Variants in TFRC observed in about 807,000 individuals in gnomAD.
The protein encoded by TFRC is transferrin receptor protein 1.
In TFRC, 35 loss-of-function variants were observed where a neutral mutation model predicts 85.8. The ratio of observed to expected loss-of-function variants is 0.41; its 90% CI spans 0.31 to 0.54. TFRC has a LOEUF of 0.54. TFRC is among the 20% of genes least tolerant of loss of function. The pLI, the probability that TFRC is intolerant of heterozygous loss-of-function variation, is 0.31. For synonymous variants in TFRC, 362 were observed against 328.6 expected (o/e 1.10, Z -1.10); for missense variants, 828 against 921.5 (o/e 0.90, Z 1.31).
At chr3:196,072,425 G>A (rs1393851427) in intron 4 of TFRC, among the ~76,000 whole-genome samples, 1 of 152,156 alleles carries the variant, frequency 6.6e-6, no homozygotes, top group Non-Finnish European at 1.5e-5. Context: ...ATAGTTTTAG[G>A]GGAAATGAGT....
In TFRC at chr3:196,053,484, T is replaced by C. The variant is rs1560065283; in HGVS notation, c.1974A>G (p.Thr658=). Residue 658 remains threonine (T), a synonymous_variant, in exon 18 of 19, where the codon ACA becomes ACG. Coordinates refer to ENST00000360110, the MANE Select transcript of TFRC (RefSeq NM_001128148.3). ...CTGTTTTCTCAGCATTCCCGAAATC[T>C]GTTGTTAGTCTGGAAGTAGCACGGA... ...DFFRATSRLT[T]DFGNAEKTDR... 5 of 1,614,220 alleles carry C rather than the reference T, an allele frequency of 3.1e-6. No homozygotes were observed. The highest frequency in any genetic ancestry group is 3.3e-4 in the Middle Eastern group (2 of 6,062).
Position 196,064,379 on chromosome 3 carries a change from A to G in TFRC, c.1248T>C (p.Ala416=). 3 of 1,613,950 alleles carry G rather than the reference A, an allele frequency of 1.9e-6. No individual in the cohort carries two copies. The highest frequency in any genetic ancestry group is 2.5e-6 in the Non-Finnish European group (3 of 1,179,938). ...GAQRDAWGPG[A]AKSGVGTALL... ...GAGCTGTGCCTACACCGGATTTTGC[A>G]GCTCCAGGGCCCCATGCATCTCTCT... Residue 416 remains alanine, a synonymous_variant, in exon 11 of 19, where the codon GCT becomes GCC. Transcript: ENST00000360110.
intron 6 of TFRC, among the ~76,000 whole-genome samples, chr3:196,070,774 AAATAATAATAAT>A (rs58386151): frequency 0.095 from 12,927 of 135,770 alleles, 1,776 homozygotes; most frequent in East Asian, 0.67. Context: ...TGTCTCTACC[AAATAATAATAAT>A]AATAATAATA....
intron 11 of TFRC, 75 bp downstream of exon 11, chr3:196,064,234 G>A (rs1717521556): frequency 7.1e-7 from 1 of 1,416,112 alleles, no homozygotes; most frequent in South Asian, 1.6e-5. Context: ...CAGGCAAAGT[G>A]AGCAAAGCAC....
Position 196,062,609 on chromosome 3 carries a change from A to G in TFRC, c.1441T>C (p.Tyr481His). The G allele has an allele frequency of 6.2e-7, 1 of 1,609,686 alleles. No homozygotes were observed. Among genetic ancestry groups the G allele is most frequent in the African/African-American group, 1.3e-5 (1 of 74,776 alleles). Residue 481 changes from tyrosine to histidine, a missense_variant, in exon 13 of 19, where the codon TAT becomes CAT. By Grantham distance (83) the Tyr-to-His change is moderately conservative (BLOSUM62 2). Coordinates refer to ENST00000360110, the MANE Select transcript of TFRC (RefSeq NM_001128148.3). Reference protein sequence around the residue: ...LSSLHLKAFTYINLDKAVLGT... With the variant: ...LSSLHLKAFTHINLDKAVLGT... Reference sequence around the variant, plus strand: ...AGAACCGCTTTATCCAGATTAATATAAGTGAAAGCCTTTAAATGCAGGGAC... The same window carrying G: ...AGAACCGCTTTATCCAGATTAATATGAGTGAAAGCCTTTAAATGCAGGGAC...
At chr3:196,053,049 G>A (rs1213398723) in intron 18 of TFRC, among the ~76,000 whole-genome samples, 2 of 152,006 alleles carry the variant, frequency 1.3e-5, no homozygotes, top group African/African-American at 2.4e-5. Context: ...GGGAGGTGGA[G>A]GGTGCAGTGA....
chr3:196,071,189 T>C (rs778710876), intron 6 of TFRC, among the ~76,000 whole-genome samples: 19 of 152,204 alleles, frequency 1.2e-4, no homozygotes, highest in Non-Finnish European at 2.4e-4. Flanking sequence ...CTAGCAGTAC[T>C]ATAAAGAAAA....
intron 13 of TFRC, among the ~76,000 whole-genome samples, chr3:196,062,007 T>C (rs1456009466): frequency 6.6e-6 from 1 of 152,198 alleles, no homozygotes; most frequent in Non-Finnish European, 1.5e-5. Flanking sequence ...CTCATGCCTG[T>C]AACCGCAGCA....
At chr3:196,080,092 G>C (rs558161146) in intron 1 of TFRC, among the ~76,000 whole-genome samples, 3 of 152,254 alleles carry the variant, frequency 2.0e-5, no homozygotes, top group African/African-American at 7.2e-5. Context: ...CACTCTTCTG[G>C]TTTAGTAGGG....
intron 16 of TFRC, among the ~76,000 whole-genome samples, chr3:196,056,873 G>A (rs1004772607): frequency 1.3e-5 from 2 of 150,770 alleles, no homozygotes; most frequent in Non-Finnish European, 3.0e-5. Context: ...CCAAGCTGCA[G>A]TGCAGTGGCT....
chr3:196,076,974 G>T, intron 2 of TFRC, 90 bp downstream of exon 2: 1 of 1,177,460 alleles, frequency 8.5e-7, no homozygotes, highest in Non-Finnish European at 1.3e-6. Context: ...ATAATAGATT[G>T]GGGTTATTAT....
intron 11 of TFRC, chr3:196,063,368 TA>T: frequency 1.3e-5 from 2 of 153,314 alleles, no homozygotes; most frequent in East Asian, 3.8e-4. Context: ...AATTCTAAAA[TA>T]AAATAAAAAT....
intron 11 of TFRC, chr3:196,063,535 A>C (rs1299144171): frequency 2.0e-5 from 3 of 152,288 alleles, no homozygotes; most frequent in Non-Finnish European, 4.4e-5. Flanking sequence ...TAAGCATTGC[A>C]GTTTGCCCTA....
Position 196,051,739 on chromosome 3 carries a change from T to A in TFRC, c.*203A>T. ...GGAATATTCCATCATGGACATTTTTTAAGTGGTTATTCACTTTAACTTGAA... is the reference window on the plus strand; with the variant it reads ...GGAATATTCCATCATGGACATTTTTAAAGTGGTTATTCACTTTAACTTGAA... On this transcript the variant is annotated 3_prime_UTR_variant, in exon 19 of 19. Transcript: ENST00000360110. The A allele has an allele frequency of 1.8e-6, 1 of 565,330 alleles. No individual in the cohort carries two copies. The highest frequency in any genetic ancestry group is 1.9e-5 in the African/African-American group (1 of 53,188). 35.0% of individuals were successfully genotyped at this position (565,330 alleles called of 1,614,324 possible). A position where few individuals can be genotyped will look rare whatever the true frequency, so the allele number is the denominator to read the frequency against.
chr3:196,062,970 G>C, intron 11 of TFRC, 31 bp from the exon 12 acceptor site: 2 of 1,588,728 alleles, frequency 1.3e-6, no homozygotes, highest in South Asian at 2.2e-5. Context: ...CTTTACCTGA[G>C]GAAAGGTTAT....
intron 17 of TFRC, among the ~76,000 whole-genome samples, chr3:196,054,668 C>T (rs1157478872): frequency 3.3e-5 from 5 of 152,192 alleles, no homozygotes; most frequent in African/African-American, 2.4e-5. Flanking sequence ...TTATCAGTTT[C>T]GTTTAATAGA....
intron 3 of TFRC, 81 bp from the exon 4 acceptor site, chr3:196,074,206 A>C (rs1197904504): frequency 6.0e-6 from 8 of 1,339,316 alleles, no homozygotes; most frequent in Non-Finnish European, 8.2e-6. Flanking sequence ...TTTTCAGGTA[A>C]GCCTTGAAAA....
chr3:196,081,639 G>T (rs541051331), intron 1 of TFRC, among the ~76,000 whole-genome samples: 1 of 152,354 alleles, frequency 6.6e-6, no homozygotes, highest in South Asian at 2.1e-4. Flanking sequence ...GCGCACTAGG[G>T]CCTGCGGCCT....
At chr3:196,070,875 G>A (rs142082058) in intron 6 of TFRC, among the ~76,000 whole-genome samples, 1 of 152,054 alleles carries the variant, frequency 6.6e-6, no homozygotes, top group Non-Finnish European at 1.5e-5. Context: ...CTGGGTGGTG[G>A]TGGAGAATGC....
Sources: allele counts gnomAD v4.1 joint callset (sites outside exome capture counted in the v4.1 genomes callset), GRCh38; gene constraint gnomAD v4.1.1; transcripts MANE v1.5; gene names NCBI Gene and HGNC (gene_info 2026-07-23, HGNC 2026-07-21).